The following TRPC4 variants were observed in gnomAD, a reference collection of about 807,000 sequenced individuals.
TRPC4 encodes short transient receptor potential channel 4.
In TRPC4, 49 loss-of-function variants were observed where a neutral mutation model predicts 99.4. That is an observed-to-expected ratio of 0.49 (90% CI 0.39 to 0.63). The LOEUF (loss-of-function observed/expected upper bound fraction) is 0.63. Among genes scored for constraint, TRPC4 ranks in the 20% least tolerant of loss-of-function variants. The pLI, the probability that TRPC4 is intolerant of heterozygous loss-of-function variation, is 0.00. For missense variants in TRPC4, 898 were observed against 1,152.9 expected (o/e 0.78, Z 3.20); for synonymous variants, 454 against 425.9 (o/e 1.07, Z -0.81).
At chr13:37,761,104 C>G (rs1180315187) in intron 2 of TRPC4, among the ~76,000 whole-genome samples, 1 of 151,932 alleles carries the variant, frequency 6.6e-6, no homozygotes, top group Non-Finnish European at 1.5e-5. Context: ...CTGGCTAAAA[C>G]TACTTCAATT....
chr13:37,856,816 T>C (rs1959178230), intron 1 of TRPC4, among the ~76,000 whole-genome samples: 1 of 151,578 alleles, frequency 6.6e-6, no homozygotes, highest in African/African-American at 2.4e-5. Flanking sequence ...TTCAATTGAT[T>C]CTGAAAAAGT....
At chr13:37,807,901 T>C (rs1319229142) in intron 1 of TRPC4, among the ~76,000 whole-genome samples, 2 of 152,068 alleles carry the variant, frequency 1.3e-5, no homozygotes, top group Non-Finnish European at 2.9e-5. Context: ...TAATTTTAAG[T>C]GTGATTTTAC....
intron 3 of TRPC4, among the ~76,000 whole-genome samples, 173 bp downstream of exon 3, chr13:37,745,764 T>A (rs1955756409): frequency 6.6e-6 from 1 of 151,924 alleles, no homozygotes; most frequent in Admixed American, 6.6e-5. Context: ...AAACCATTTA[T>A]TACCACTCTT....
intron 1 of TRPC4, among the ~76,000 whole-genome samples, chr13:37,838,238 T>G (rs1958623651): frequency 6.6e-6 from 1 of 152,238 alleles, no homozygotes; most frequent in African/African-American, 2.4e-5. Context: ...ACCATTGATC[T>G]GAGCCAGCTG....
At chr13:37,846,247 A>T (rs1958895417) in intron 1 of TRPC4, among the ~76,000 whole-genome samples, 1 of 152,176 alleles carries the variant, frequency 6.6e-6, no homozygotes, top group South Asian at 2.1e-4. Context: ...ATTAAAAATA[A>T]ATCCCAATGG....
chr13:37,806,750 A>C (rs1957537903), intron 1 of TRPC4, among the ~76,000 whole-genome samples: 1 of 152,066 alleles, frequency 6.6e-6, no homozygotes, highest in Non-Finnish European at 1.5e-5. Flanking sequence ...TCAACAGGAT[A>C]ATTACAATTA....
At chr13:37,746,679 A>G (rs1955796524) in intron 2 of TRPC4, among the ~76,000 whole-genome samples, 1 of 151,288 alleles carries the variant, frequency 6.6e-6, no homozygotes, top group Non-Finnish European at 1.5e-5. Context: ...AATCTGAATT[A>G]TGACATTTTA....
chr13:37,827,678 T>C (rs1258442104), intron 1 of TRPC4, among the ~76,000 whole-genome samples: 1 of 152,198 alleles, frequency 6.6e-6, no homozygotes, highest in African/African-American at 2.4e-5. Flanking sequence ...TCTTCAAAGC[T>C]GTCAGACAGG....
chr13:37,703,455 G>C (rs1029233220), intron 3 of TRPC4, among the ~76,000 whole-genome samples: 2 of 151,852 alleles, frequency 1.3e-5, no homozygotes, highest in Admixed American at 1.3e-4. Flanking sequence ...CCTTCTCCCT[G>C]ACCAAGTATA....
At chr13:37,726,344 A>T (rs1955057143) in intron 3 of TRPC4, among the ~76,000 whole-genome samples, 1 of 152,156 alleles carries the variant, frequency 6.6e-6, no homozygotes, top group Non-Finnish European at 1.5e-5. Context: ...GATATCAACC[A>T]CTGAAAAGCA....
At chr13:37,833,997 C>T (rs746094235) in intron 1 of TRPC4, among the ~76,000 whole-genome samples, 12 of 152,150 alleles carry the variant, frequency 7.9e-5, no homozygotes, top group Non-Finnish European at 1.3e-4. Context: ...AATCATGATA[C>T]CTTAATATTT....
At chr13:37,789,801 A>G (rs1177102473) in intron 1 of TRPC4, among the ~76,000 whole-genome samples, 1 of 152,074 alleles carries the variant, frequency 6.6e-6, no homozygotes, top group East Asian at 1.9e-4. Flanking sequence ...CTCATGGCTC[A>G]GAAACATGTT....
chr13:37,804,323 C>G (rs1957477032), intron 1 of TRPC4, among the ~76,000 whole-genome samples: 2 of 152,014 alleles, frequency 1.3e-5, no homozygotes, highest in African/African-American at 4.8e-5. Context: ...GAAGCACTGA[C>G]AGAGTAAGAT....
At chr13:37,842,986 G>T (rs945770981) in intron 1 of TRPC4, among the ~76,000 whole-genome samples, 4 of 152,164 alleles carry the variant, frequency 2.6e-5, no homozygotes, top group Non-Finnish European at 5.9e-5. Flanking sequence ...TATCATACCT[G>T]CTAAGGCTGA....
intron 6 of TRPC4, among the ~76,000 whole-genome samples, chr13:37,658,650 C>A (rs533471365): frequency 1.2e-4 from 19 of 152,290 alleles, no homozygotes; most frequent in African/African-American, 4.6e-4. Flanking sequence ...TGTCACAAAG[C>A]CTGTGCCCCT....
chr13:37,658,891 A>G (rs956127852), intron 6 of TRPC4, among the ~76,000 whole-genome samples: 7 of 152,054 alleles, frequency 4.6e-5, no homozygotes, highest in African/African-American at 1.7e-4. Context: ...GTCAGGGAGA[A>G]GACCAGAAAA....
rs558446784 is a variant in TRPC4, at chr13:37,773,754, T to C, written c.378+9202A>G. Among the ~76,000 whole-genome samples, 5 of 151,922 alleles carry C rather than the reference T, an allele frequency of 3.3e-5. No individual in the cohort carries two copies. The South Asian group carries it at 1.0e-3, about 32-fold the overall frequency. On this transcript the variant is annotated intron_variant, in intron 2 of 10. Transcript: ENST00000379705. ...ATGCTTGATAAATTGTAATACTGAA[T>C]TTTTTGGTAGCAATTTTTATTATTG...
chr13:37,707,896 A>G (rs1312320669), intron 3 of TRPC4, among the ~76,000 whole-genome samples: 1 of 152,178 alleles, frequency 6.6e-6, no homozygotes, highest in Non-Finnish European at 1.5e-5. Context: ...AGACAGTGAA[A>G]GCCAGAGATG....
chr13:37,667,140 A>G (rs1053984947), intron 5 of TRPC4, among the ~76,000 whole-genome samples: 1 of 152,184 alleles, frequency 6.6e-6, no homozygotes, highest in Admixed American at 6.5e-5. Context: ...CTTTTTGTCT[A>G]AAATCCCAGC....
Sources: gnomAD v4.1 joint callset for allele counts (sites outside exome capture counted in the v4.1 genomes callset) on GRCh38, gnomAD v4.1.1 for gene constraint, MANE v1.5 for transcripts, NCBI Gene and HGNC (gene_info 2026-07-23, HGNC 2026-07-21) for gene names.